Variants in CALN1 observed in about 807,000 individuals in gnomAD.
CALN1 encodes the protein calneuron 1.
CALN1 carries 17 observed loss-of-function variants against 30.6 expected under a neutral mutation model. The observed-to-expected ratio is 0.56, with a 90% CI of 0.38 to 0.83. The LOEUF (loss-of-function observed/expected upper bound fraction) is 0.83, where lower values mean the gene tolerates loss of function less well. Among genes scored for constraint, CALN1 ranks in the 40% least tolerant of loss-of-function variants. The pLI is 0.00. For missense variants in CALN1, 291 were observed against 354.9 expected (o/e 0.82, Z 1.45); for synonymous variants, 156 against 131.4 (o/e 1.19, Z -1.28).
chr7:71,883,090 T>A (rs903388138), intron 5 of CALN1, among the ~76,000 whole-genome samples: 1 of 151,864 alleles, frequency 6.6e-6, no homozygotes, highest in Non-Finnish European at 1.5e-5. Flanking sequence ...CTCTATCACA[T>A]GAAATACTAT....
At chr7:71,920,072 G>A (rs1015023406) in intron 5 of CALN1, among the ~76,000 whole-genome samples, 18 of 152,184 alleles carry the variant, frequency 1.2e-4, no homozygotes. Flanking sequence ...CTTCTGCTAA[G>A]TCTTGCAATA....
At chr7:71,925,279 GC>G (rs1795204266) in intron 5 of CALN1, among the ~76,000 whole-genome samples, 1 of 148,758 alleles carries the variant, frequency 6.7e-6, no homozygotes, top group Non-Finnish European at 1.5e-5. Context: ...AAGCAAGCAA[GC>G]AAGCAAGAAA....
chr7:72,026,180 A>G (rs530428611), intron 4 of CALN1, among the ~76,000 whole-genome samples: 125 of 152,316 alleles, frequency 8.2e-4, no homozygotes, highest in African/African-American at 2.9e-3. Flanking sequence ...AGAAATACAG[A>G]GAGATCACCT....
chr7:71,931,165 G>A (rs1350155650), intron 5 of CALN1, among the ~76,000 whole-genome samples: 1 of 152,116 alleles, frequency 6.6e-6, no homozygotes, highest in Non-Finnish European at 1.5e-5. Flanking sequence ...AAGAAAAACT[G>A]AATTCTTTTT....
chr7:72,158,156 G>C (rs937674360), intron 3 of CALN1, among the ~76,000 whole-genome samples: 3 of 152,158 alleles, frequency 2.0e-5, no homozygotes, highest in Non-Finnish European at 2.9e-5. Context: ...TGCTCTAGGG[G>C]ATAAAAGCAG....
At chr7:71,826,458 T>C (rs914794096) in intron 5 of CALN1, among the ~76,000 whole-genome samples, 1 of 152,174 alleles carries the variant, frequency 6.6e-6, no homozygotes, top group African/African-American at 2.4e-5. Flanking sequence ...CACAAGATCA[T>C]TCTGAGTGAA....
chr7:71,811,907 GACCT>G lies in CALN1; in HGVS notation c.502-1419_502-1416del, dbSNP rs556873293. Among the ~76,000 whole-genome samples, 465 of 151,636 alleles carry G rather than the reference GACCT, an allele frequency of 3.1e-3. 2 individuals are homozygous for G. The highest frequency in any genetic ancestry group is 6.8e-3 in the Middle Eastern group (2 of 292). On this transcript the variant is annotated intron_variant, in intron 5 of 6. Transcript: ENST00000395275. ...TTGGTCAAGCTGGTCTCGAACTCCTGACCTCAGGTGATCCACCCGCCTCGGCCTC... is the reference window on the plus strand; with the variant it reads ...TTGGTCAAGCTGGTCTCGAACTCCTGCAGGTGATCCACCCGCCTCGGCCTC...
the CALN1 span, among the ~76,000 whole-genome samples, chr7:72,459,829 G>A: frequency 3.3e-5 from 5 of 152,244 alleles, no homozygotes; most frequent in South Asian, 4.2e-4. Context: ...ACCAGCTTCC[G>A]ATAGCACCAA....
At chr7:71,937,044 G>A (rs1163536689) in intron 5 of CALN1, among the ~76,000 whole-genome samples, 3 of 152,172 alleles carry the variant, frequency 2.0e-5, no homozygotes, top group African/African-American at 7.2e-5. Flanking sequence ...TCTCAGGTAT[G>A]TCTGTATCCA....
chr7:71,818,457 T>C lies in CALN1; in HGVS notation c.502-7965A>G, dbSNP rs188843580. Among the ~76,000 whole-genome samples the C allele has an allele frequency of 3.7e-3, 557 of 152,008 alleles. 4 individuals carry two copies. The highest frequency in any genetic ancestry group is 0.012 in the African/African-American group (518 of 41,506). ...GTGGGAAGGAATGAGGTGAGGGATA[T>C]GGGTGGGGCACTAGTCAGTAAAGGC... is the stretch of plus-strand genomic sequence containing the variant. On this transcript the variant is annotated intron_variant, in intron 5 of 6. Transcript: ENST00000395275.
chr7:72,499,826 CTTCTTTCT>C, the CALN1 span, among the ~76,000 whole-genome samples: 636 of 53,012 alleles, frequency 0.012, 7 homozygotes, highest in Middle Eastern at 0.018. Context: ...TCCTTCCTTC[CTTCTTTCT>C]TTCTTTCTTT....
the CALN1 span, among the ~76,000 whole-genome samples, chr7:72,467,278 G>T: frequency 6.6e-6 from 1 of 152,220 alleles, no homozygotes; most frequent in East Asian, 1.9e-4. Context: ...TGCTGGTGGG[G>T]CTGAGAAGGC....
At chr7:72,238,247 AT>A (rs1018505651) in intron 3 of CALN1, among the ~76,000 whole-genome samples, 2 of 152,086 alleles carry the variant, frequency 1.3e-5, no homozygotes, top group African/African-American at 4.8e-5. Flanking sequence ...TAATATTTCC[AT>A]TTTTTTCTTT....
At chr7:71,919,950 C>T (rs186597609) in intron 5 of CALN1, among the ~76,000 whole-genome samples, 2 of 152,282 alleles carry the variant, frequency 1.3e-5, no homozygotes, top group East Asian at 3.9e-4. Context: ...CAGTAAGTAG[C>T]TCACCATGAC....
At chr7:72,425,444 T>C (rs1336231106) in intron 1 of CALN1, among the ~76,000 whole-genome samples, 4 of 152,124 alleles carry the variant, frequency 2.6e-5, no homozygotes, top group Non-Finnish European at 5.9e-5. Flanking sequence ...GGGCCCTCCA[T>C]CCCCATGTGC....
At chr7:71,929,693 C>A (rs1482071425) in intron 5 of CALN1, among the ~76,000 whole-genome samples, 1 of 152,178 alleles carries the variant, frequency 6.6e-6, no homozygotes, top group Non-Finnish European at 1.5e-5. Context: ...GTGAACAATG[C>A]AGCTATGAAT....
chr7:72,348,264 A>G (rs76590417), intron 2 of CALN1, among the ~76,000 whole-genome samples: 1,857 of 152,354 alleles, frequency 0.012, 35 homozygotes, highest in African/African-American at 0.041. Context: ...CAGATAGTAC[A>G]GGGCTGTGAT....
intron 5 of CALN1, among the ~76,000 whole-genome samples, chr7:72,000,634 AAC>A (rs566005945): frequency 3.0e-4 from 45 of 152,282 alleles, no homozygotes; most frequent in African/African-American, 1.0e-3. Flanking sequence ...CTCTCCCATA[AAC>A]AGTTTTACAC....
rs549659220 is a variant in CALN1, at chr7:72,035,401, C to A, written c.389-11632G>T. Among the ~76,000 whole-genome samples, 145 of 20,254 alleles carry A rather than the reference C, an allele frequency of 7.2e-3. No homozygotes were observed. In the Middle Eastern group the frequency reaches 0.21, roughly 29 times the overall value. 13.3% of individuals were successfully genotyped at this position (20,254 alleles called of 152,430 possible). On this transcript the variant is annotated intron_variant, in intron 4 of 6. Coordinates refer to ENST00000395275, the MANE Select transcript of CALN1 (RefSeq NM_031468.4). ...GTCTGGCTTATTTCATGCATAAAGT[C>A]CCTCAAGGTTCATCCATGTTGTAGC...
Sources: allele counts gnomAD v4.1 joint callset (sites outside exome capture counted in the v4.1 genomes callset), GRCh38; gene constraint gnomAD v4.1.1; transcripts MANE v1.5; gene names NCBI Gene and HGNC (gene_info 2026-07-23, HGNC 2026-07-21).